Variants in TAS1R3 observed in about 807,000 individuals in gnomAD.
TAS1R3 encodes taste 1 receptor member 3.
A neutral mutation model predicts 46.1 loss-of-function variants in TAS1R3; 58 were observed. The observed-to-expected ratio is 1.26, with a 90% CI of 1.02 to 1.57. The LOEUF (loss-of-function observed/expected upper bound fraction) is 1.57. Among genes scored for constraint, TAS1R3 ranks in the 40% most tolerant of loss-of-function variants. TAS1R3 has a pLI of 0.00. For missense variants in TAS1R3, 1,422 were observed against 1,185.8 expected (o/e 1.20, Z -2.93); for synonymous variants, 724 against 544.7 (o/e 1.33, Z -4.58).
At position 1,332,821 on chromosome 1, in the gene TAS1R3, T is replaced by A. The variant is rs1358127198; in HGVS notation, c.1275+15T>A. 6.3e-7 allele frequency: 1 copy of A among 1,599,156 alleles called. No individual in the cohort carries two copies. ...AGCCCTGGCAGGTGAGCCCGGGAGA[T>A]GGGGGTGTGCTGTCCTCTGCATGTG... is the stretch of plus-strand genomic sequence containing the variant. On this transcript the variant is annotated intron_variant, in intron 3 of 5. Transcript: ENST00000339381.
Position 1,332,204 on chromosome 1 carries a change from A to G in TAS1R3, c.673A>G (p.Ile225Val), listed in dbSNP as rs1430649532. The change falls in exon 3 of 6, where the codon ATC (isoleucine) becomes GTC (valine). Residue 225 changes from isoleucine to valine, a missense_variant. Physicochemically the swap from Ile to Val is conservative, Grantham distance 29. Coordinates refer to ENST00000339381, the MANE Select transcript of TAS1R3 (RefSeq NM_152228.3). ...DDEYGRQGLSIFSALAAARGI... is the reference protein window; with the variant it reads ...DDEYGRQGLSVFSALAAARGI... ...CGAGTACGGCCGGCAGGGCCTGAGCATCTTCTCGGCCCTGGCCGCGGCACG... is the reference window on the plus strand; with the variant it reads ...CGAGTACGGCCGGCAGGGCCTGAGCGTCTTCTCGGCCCTGGCCGCGGCACG... 4 of 1,594,480 alleles carry G rather than the reference A, an allele frequency of 2.5e-6. No homozygotes were observed. The East Asian group carries it at 6.7e-5, about 27-fold the overall frequency.
chr1:1,333,686 G>A lies in TAS1R3; in HGVS notation c.1781G>A (p.Arg594Gln), dbSNP rs200496607. 66 of 1,611,678 alleles carry A rather than the reference G, an allele frequency of 4.1e-5. No individual in the cohort carries two copies. The East Asian group carries it at 1.0e-3, about 25-fold the overall frequency. The change falls in exon 6 of 6, where the codon CGG becomes CAG. Residue 594 changes from arginine to glutamine, a missense_variant. Physicochemically the swap from Arg to Gln is conservative, Grantham distance 43 (BLOSUM62 1). Transcript: ENST00000339381. Reference sequence around the variant, plus strand: ...GCTTTGGGGCTGTTCGTTCACCATCGGGACAGCCCACTGGTTCAGGCCTCG... The same window carrying A: ...GCTTTGGGGCTGTTCGTTCACCATCAGGACAGCCCACTGGTTCAGGCCTCG... ...LAALGLFVHH[R>Q]DSPLVQASGG...
rs1186558338 is a variant in TAS1R3 at position 1,334,356 on chromosome 1, C to T, written c.2451C>T (p.Leu817=). The T allele has an allele frequency of 3.7e-6, 6 of 1,611,268 alleles. No individual in the cohort carries two copies. In the African/African-American group the frequency reaches 6.7e-5, roughly 18 times the overall value. The change falls in exon 6 of 6, where the codon CTC becomes CTT. Residue 817 remains leucine (L), a synonymous_variant. Transcript: ENST00000339381. ...TCCACCTGCCCAGGTGTTACCTGCT[C>T]ATGCGGCAGCCAGGGCTCAACACCC... The part of the protein sequence containing the change: ...AAFHLPRCYL[L]MRQPGLNTPE...
chr1:1,333,668 G>A lies in TAS1R3; in HGVS notation c.1763G>A (p.Gly588Glu), dbSNP rs368330911. Residue 588 changes from glycine (G) to glutamate (E), a missense_variant, in exon 6 of 6, where the codon GGG (glycine) becomes GAG (glutamate). By Grantham distance (98) the Gly-to-Glu change is moderately conservative. Transcript: ENST00000339381. ...CTGGGCCTTGTGCTGGCTGCTTTGG[G>A]GCTGTTCGTTCACCATCGGGACAGC... ...LALGLVLAALGLFVHHRDSPL... is the reference protein window; with the variant it reads ...LALGLVLAALELFVHHRDSPL... 6.2e-7 allele frequency: 1 copy of A among 1,611,966 alleles called. No homozygotes were observed. The highest frequency in any genetic ancestry group is 1.7e-5 in the Admixed American group (1 of 59,982).
rs1643514367 is a variant in TAS1R3, at chr1:1,334,547, AG to A, written c.*84del. The A allele has an allele frequency of 7.2e-7, 1 of 1,381,692 alleles. No individual in the cohort carries two copies. The highest frequency in any genetic ancestry group is 9.6e-7 in the Non-Finnish European group (1 of 1,046,258). The allele number at this position is 1,381,692 out of a possible 1,614,324, so 85.6% of individuals were successfully genotyped here. A position where few individuals can be genotyped will look rare whatever the true frequency, so the allele number is the denominator to read the frequency against. On this transcript the variant is annotated 3_prime_UTR_variant, in exon 6 of 6. Coordinates refer to ENST00000339381, the MANE Select transcript of TAS1R3 (RefSeq NM_152228.3). Reference sequence around the variant, plus strand: ...CCAGCAATGACCCGTGTCTCGCTACAGAGACCCTCCCGCTCTAGGTTCTGAC... The same window carrying A: ...CCAGCAATGACCCGTGTCTCGCTACAAGACCCTCCCGCTCTAGGTTCTGAC...
At position 1,335,139 on chromosome 1, in the gene TAS1R3, C is replaced by G. The variant is rs916087929; in HGVS notation, c.*675C>G. 1 of 152,522 alleles carries G rather than the reference C, an allele frequency of 6.6e-6. No homozygotes were observed. Among genetic ancestry groups the G allele is most frequent in the Non-Finnish European group, 1.5e-5 (1 of 68,298 alleles). The allele number at this position is 152,522 out of a possible 1,614,324, so 9.4% of individuals were successfully genotyped here. ...TGCCCACCAGGATCTGACGCCAGCA[C>G]GCCGCCAGGCCCACACAGGGTCTCC... On this transcript the variant is annotated 3_prime_UTR_variant, in exon 6 of 6. Transcript: ENST00000339381.
rs779988935 is a variant in TAS1R3 at position 1,333,099 on chromosome 1, T to C, written c.1454T>C (p.Ile485Thr). 13 of 1,612,036 alleles carry C rather than the reference T, an allele frequency of 8.1e-6. No homozygotes were observed. Among genetic ancestry groups the C allele is most frequent in the Non-Finnish European group, 5.9e-6 (7 of 1,179,686 alleles). The change falls in exon 4 of 6, where the codon ATC (isoleucine) becomes ACC (threonine). Residue 485 changes from isoleucine to threonine, a missense_variant. Ile to Thr is a moderately conservative substitution (Grantham distance 89, BLOSUM62 -1). Transcript: ENST00000339381. The part of the protein sequence containing the change: ...NGSLRTERLK[I>T]RWHTSDNQKP... Reference sequence around the variant, plus strand: ...AGCCTCAGGACAGAGCGCCTGAAGATCCGCTGGCACACGTCTGACAACCAG... The same window carrying C: ...AGCCTCAGGACAGAGCGCCTGAAGACCCGCTGGCACACGTCTGACAACCAG...
At position 1,333,800 on chromosome 1, in the gene TAS1R3, G is replaced by A. The variant is rs763594203; in HGVS notation, c.1895G>A (p.Arg632Gln). The change falls in exon 6 of 6, where the codon CGA (arginine) becomes CAA (glutamine). Residue 632 changes from arginine (R) to glutamine (Q), a missense_variant. Arg to Gln is a conservative substitution (Grantham distance 43). Coordinates refer to ENST00000339381, the MANE Select transcript of TAS1R3 (RefSeq NM_152228.3). ...TTCCCTGGCCAGCCCAGCCCTGCCC[G>A]ATGCCTGGCCCAGCAGCCCTTGTCC... ...LLFPGQPSPA[R>Q]CLAQQPLSHL... 5.6e-6 allele frequency: 9 copies of A among 1,595,490 alleles called. No homozygotes were observed. The highest frequency in any genetic ancestry group is 2.2e-5 in the East Asian group (1 of 44,474).
Position 1,333,826 on chromosome 1 carries a change from C to T in TAS1R3, c.1921C>T (p.His641Tyr), listed in dbSNP as rs756724398. 5 of 1,599,942 alleles carry T rather than the reference C, an allele frequency of 3.1e-6. No individual in the cohort carries two copies. Among genetic ancestry groups the T allele is most frequent in the Admixed American group, 1.7e-5 (1 of 59,884 alleles). Reference protein sequence around the residue: ...ARCLAQQPLSHLPLTGCLSTL... With the variant: ...ARCLAQQPLSYLPLTGCLSTL... ...ATGCCTGGCCCAGCAGCCCTTGTCC[C>T]ACCTCCCGCTCACGGGCTGCCTGAG... Residue 641 changes from histidine to tyrosine, a missense_variant, in exon 6 of 6, where the codon CAC (histidine) becomes TAC (tyrosine). Physicochemically the swap from His to Tyr is moderately conservative, Grantham distance 83. Transcript: ENST00000339381.
Position 1,331,447 on chromosome 1 carries a change from C to T in TAS1R3, c.102C>T (p.Asp34=). Residue 34 remains aspartate, a synonymous_variant, in exon 1 of 6, where the codon GAC becomes GAT. Coordinates refer to ENST00000339381, the MANE Select transcript of TAS1R3 (RefSeq NM_152228.3). ...CLSQQLRMKG[D]YVLGGLFPLG... ...CACAGCAACTTAGGATGAAGGGGGA[C>T]TACGTGCTGGGGGGGCTGTTCCCCC... 1 of 1,604,876 alleles carries T rather than the reference C, an allele frequency of 6.2e-7. No individual in the cohort carries two copies. Among genetic ancestry groups the T allele is most frequent in the Non-Finnish European group, 8.5e-7 (1 of 1,177,350 alleles).
Position 1,334,167 on chromosome 1 carries a change from G to A in TAS1R3, c.2262G>A (p.Gln754=), listed in dbSNP as rs1183940963. ...TGGGCACTTTCCTGGTGCGGAGCCAGCCGGGCTGCTACAACCGTGCCCGTG... is the reference window on the plus strand; with the variant it reads ...TGGGCACTTTCCTGGTGCGGAGCCAACCGGGCTGCTACAACCGTGCCCGTG... ...CFLGTFLVRS[Q]PGCYNRARGL... Residue 754 remains glutamine, a synonymous_variant, in exon 6 of 6, where the codon CAG becomes CAA. Coordinates refer to ENST00000339381, the MANE Select transcript of TAS1R3 (RefSeq NM_152228.3). The A allele has an allele frequency of 6.3e-7, 1 of 1,590,252 alleles. No homozygotes were observed. The highest frequency in any genetic ancestry group is 1.8e-5 in the Admixed American group (1 of 56,252).
In TAS1R3 at chr1:1,332,473, C is replaced by T. The variant is rs1426981335; in HGVS notation, c.942C>T (p.Gly314=). 1 of 1,610,120 alleles carries T rather than the reference C, an allele frequency of 6.2e-7. No individual in the cohort carries two copies. ...CTGACCTGGTCATGGGGCTGCCCGG[C>T]ATGGCCCAGATGGGCACGGTGCTTG... The part of the protein sequence containing the change: ...LTSDLVMGLP[G]MAQMGTVLGF... Residue 314 remains glycine, a synonymous_variant, in exon 3 of 6, where the codon GGC becomes GGT. Transcript: ENST00000339381.
Position 1,331,359 on chromosome 1 carries a change from C to A in TAS1R3, c.14C>A (p.Ala5Asp), listed in dbSNP as rs761740845. The change falls in exon 1 of 6, where the codon GCT becomes GAT. Residue 5 changes from alanine (A) to aspartate (D), a missense_variant. Physicochemically the swap from Ala to Asp is moderately radical, Grantham distance 126 (BLOSUM62 -2). Transcript: ENST00000339381. ...GTTGCCTCTGCCATGCTGGGCCCTG[C>A]TGTCCTGGGCCTCAGCCTCTGGGCT... MLGP[A>D]VLGLSLWALL... The A allele has an allele frequency of 2.5e-6, 4 of 1,588,088 alleles. No homozygotes were observed. The highest frequency in any genetic ancestry group is 3.4e-6 in the Non-Finnish European group (4 of 1,168,178).
In TAS1R3 at chr1:1,333,278, C is replaced by T. The variant is rs763938709; in HGVS notation, c.1499C>T (p.Ser500Leu). ...GCGCAGAAGCCCGTGTCCCGGTGCTCGCGGCAGTGCCAGGAGGGCCAGGTG... is the reference window on the plus strand; with the variant it reads ...GCGCAGAAGCCCGTGTCCCGGTGCTTGCGGCAGTGCCAGGAGGGCCAGGTG... The part of the protein sequence containing the change: ...SDNQKPVSRC[S>L]RQCQEGQVRR... The change falls in exon 5 of 6, where the codon TCG becomes TTG. Residue 500 changes from serine (S) to leucine (L), a missense_variant. Transcript: ENST00000339381. The T allele has an allele frequency of 1.2e-5, 19 of 1,596,856 alleles. No individual in the cohort carries two copies. Among genetic ancestry groups the T allele is most frequent in the Non-Finnish European group, 1.5e-5 (18 of 1,173,178 alleles).
chr1:1,334,402 G>C lies in TAS1R3; in HGVS notation c.2497G>C (p.Gly833Arg). Residue 833 changes from glycine (G) to arginine (R), a missense_variant, in exon 6 of 6, where the codon GGC (glycine) becomes CGC (arginine). Gly to Arg is a moderately radical substitution (Grantham distance 125, BLOSUM62 -2). Coordinates refer to ENST00000339381, the MANE Select transcript of TAS1R3 (RefSeq NM_152228.3). ...LNTPEFFLGGGPGDAQGQNDG... is the reference protein window; with the variant it reads ...LNTPEFFLGGRPGDAQGQNDG... ...CACCCCCGAGTTCTTCCTGGGAGGG[G>C]GCCCTGGGGATGCCCAAGGCCAGAA... The C allele has an allele frequency of 6.2e-7, 1 of 1,606,534 alleles. No homozygotes were observed. Among genetic ancestry groups the C allele is most frequent in the South Asian group, 1.1e-5 (1 of 90,442 alleles).
At position 1,333,285 on chromosome 1, in the gene TAS1R3, G is replaced by A. The variant is rs779720568; in HGVS notation, c.1506G>A (p.Gln502=). The A allele has an allele frequency of 1.0e-5, 16 of 1,598,348 alleles. No individual in the cohort carries two copies. In the African/African-American group the frequency reaches 2.1e-4, roughly 21 times the overall value. ...NQKPVSRCSR[Q]CQEGQVRRVK... is the part of the protein sequence containing the mutation. ...AGCCCGTGTCCCGGTGCTCGCGGCA[G>A]TGCCAGGAGGGCCAGGTGCGCCGGG... Residue 502 remains glutamine (Q), a synonymous_variant, in exon 5 of 6, where the codon CAG becomes CAA. Coordinates refer to ENST00000339381, the MANE Select transcript of TAS1R3 (RefSeq NM_152228.3).
rs1298171420 is a variant in TAS1R3 at position 1,334,431 on chromosome 1, C to T, written c.2526C>T (p.Asp842=). ...GGPGDAQGQN[D]GNTGNQGKHE is the part of the protein sequence containing the mutation. ...CTGGGGATGCCCAAGGCCAGAATGA[C>T]GGGAACACAGGAAATCAGGGGAAAC... The change falls in exon 6 of 6, where the codon GAC becomes GAT. Residue 842 remains aspartate, a synonymous_variant. Transcript: ENST00000339381. 24 of 1,593,630 alleles carry T rather than the reference C, an allele frequency of 1.5e-5. No individual in the cohort carries two copies. Among genetic ancestry groups the T allele is most frequent in the Middle Eastern group, 1.7e-4 (1 of 6,018 alleles).
At position 1,332,900 on chromosome 1, in the gene TAS1R3, A is replaced by C. The variant is rs749371976; in HGVS notation, c.1276-21A>C. ...CTGAGCTGGAGGTGGCTGGCGGCTC[A>C]GCCCCGTCCCCCGCCCGCAGCTCCT... On this transcript the variant is annotated intron_variant, in intron 3 of 5. Coordinates refer to ENST00000339381, the MANE Select transcript of TAS1R3 (RefSeq NM_152228.3). 6.3e-6 allele frequency: 10 copies of C among 1,594,776 alleles called. No homozygotes were observed. The South Asian group carries it at 1.1e-4, about 18-fold the overall frequency.
rs371784258 is a variant in TAS1R3, at chr1:1,333,521, C to T, written c.1616C>T (p.Thr539Ile). 1 of 1,602,428 alleles carries T rather than the reference C, an allele frequency of 6.2e-7. No homozygotes were observed. Among genetic ancestry groups the T allele is most frequent in the East Asian group, 2.2e-5 (1 of 44,858 alleles). Residue 539 changes from threonine to isoleucine, a missense_variant, in exon 6 of 6, where the codon ACC (threonine) becomes ATC (isoleucine). By Grantham distance (89) the Thr-to-Ile change is moderately conservative. Transcript: ENST00000339381. ...YRQNPDDIAC[T>I]FCGQDEWSPE... Reference sequence around the variant, plus strand: ...TCTCTCACAGACGACATCGCCTGCACCTTTTGTGGCCAGGATGAGTGGTCC... The same window carrying T: ...TCTCTCACAGACGACATCGCCTGCATCTTTTGTGGCCAGGATGAGTGGTCC...
Sources: gnomAD v4.1 joint callset for allele counts on GRCh38, gnomAD v4.1.1 for gene constraint, MANE v1.5 for transcripts, NCBI Gene and HGNC (gene_info 2026-07-23, HGNC 2026-07-21) for gene names.